PTPRU: variants seen among roughly 807,000 people sequenced by gnomAD.
The protein encoded by PTPRU is receptor-type tyrosine-protein phosphatase U.
In PTPRU, 69 loss-of-function variants were observed where a neutral mutation model predicts 166.3. The observed-to-expected ratio is 0.41, with a 90% CI of 0.34 to 0.51. The LOEUF is 0.51. Among genes scored for constraint, PTPRU ranks in the 20% least tolerant of loss-of-function variants. The pLI, the probability that PTPRU is intolerant of heterozygous loss-of-function variation, is 0.09. For synonymous variants in PTPRU, 793 were observed against 814.0 expected (o/e 0.97, Z 0.44); for missense variants, 1,657 against 2,013.7 (o/e 0.82, Z 3.39).
intron 15 of PTPRU, among the ~76,000 whole-genome samples, chr1:29,300,549 G>C (rs1465708341): frequency 1.3e-5 from 2 of 152,132 alleles, no homozygotes; most frequent in East Asian, 3.9e-4. Flanking sequence ...CACCAAATTA[G>C]GCCAGTCTTT....
Position 29,258,767 on chromosome 1 carries a change from T to G in PTPRU, c.468T>G (p.Asn156Lys). ...TGGCTGTCAGCACTTTCTGGCCCAA[T>G]GAATATCAGGTGGGCTGGGTTCAGT... ...AELAVSTFWP[N>K]EYQVLFEALI... Residue 156 changes from asparagine (N) to lysine (K), a missense_variant, in exon 3 of 30, where the codon AAT becomes AAG. Asn to Lys is a moderately conservative substitution (Grantham distance 94). Transcript: ENST00000373779. 1 of 1,576,984 alleles carries G rather than the reference T, an allele frequency of 6.3e-7. No homozygotes were observed. The highest frequency in any genetic ancestry group is 8.6e-7 in the Non-Finnish European group (1 of 1,160,492).
chr1:29,283,883 C>G, intron 12 of PTPRU, 57 bp from the exon 13 acceptor site: 1 of 1,606,736 alleles, frequency 6.2e-7, no homozygotes, highest in South Asian at 1.1e-5. Context: ...GGTTCCCACC[C>G]TGGGGAGGGA....
intron 14 of PTPRU, among the ~76,000 whole-genome samples, chr1:29,285,686 TA>T (rs908106313): frequency 6.6e-6 from 1 of 152,194 alleles, no homozygotes. Context: ...CAAATCTTTT[TA>T]AAGAAACAGA....
chr1:29,295,270 C>G (rs1188104109), intron 15 of PTPRU, among the ~76,000 whole-genome samples: 1 of 152,024 alleles, frequency 6.6e-6, no homozygotes, highest in East Asian at 1.9e-4. Flanking sequence ...GTCTCAAACT[C>G]CTGGGCTCCA....
rs137880682 is a variant in PTPRU at position 29,304,024 on chromosome 1, C to T, written c.2646C>T (p.Tyr882=). The change falls in exon 16 of 30, where the codon TAC becomes TAT. Residue 882 remains tyrosine (Y), a synonymous_variant. Coordinates refer to ENST00000373779, the MANE Select transcript of PTPRU (RefSeq NM_133178.4). ...HINQMKTAEG[Y]GFKQEYESFF... The stretch of plus-strand genomic sequence containing the variant: ...ACCAGATGAAGACGGCCGAGGGTTA[C>T]GGCTTCAAGCAGGAGTATGAGGTGC... 5.9e-5 allele frequency: 95 copies of T among 1,609,824 alleles called. 1 individual carries two copies. Among genetic ancestry groups the T allele is most frequent in the Admixed American group, 1.0e-4 (6 of 59,952 alleles).
chr1:29,304,874 G>T (rs377123541), intron 17 of PTPRU, 25 bp downstream of exon 17: 17 of 1,585,446 alleles, frequency 1.1e-5, no homozygotes, highest in Non-Finnish European at 1.3e-5. Context: ...AGGGCCTGGG[G>T]TCCAGGGCAG....
rs772574986 is a variant in PTPRU at position 29,305,423 on chromosome 1, A to G, written c.2815A>G (p.Ile939Val). 1.9e-6 allele frequency: 3 copies of G among 1,613,476 alleles called. No individual in the cohort carries two copies. Among genetic ancestry groups the G allele is most frequent in the African/African-American group, 2.7e-5 (2 of 74,914 alleles). ...PNADYINANYIDGYHRSNHFI... is the reference protein window; with the variant it reads ...PNADYINANYVDGYHRSNHFI... ...TGCCGACTACATTAATGCCAACTAC[A>G]TAGATGTGAGTGCCTTGCCCTGTCA... Residue 939 changes from isoleucine (I) to valine (V), a missense_variant, in exon 18 of 30, where the codon ATA (isoleucine) becomes GTA (valine). By Grantham distance (29) the Ile-to-Val change is conservative. Coordinates refer to ENST00000373779, the MANE Select transcript of PTPRU (RefSeq NM_133178.4).
chr1:29,304,157 T>C (rs965709218), intron 16 of PTPRU, 112 bp downstream of exon 16: 3 of 1,240,808 alleles, frequency 2.4e-6, no homozygotes, highest in Non-Finnish European at 3.3e-6. Flanking sequence ...GGACGCCTGC[T>C]CTGACAGTTT....
chr1:29,239,879 C>T (rs570800513), intron 1 of PTPRU, among the ~76,000 whole-genome samples: 9 of 152,162 alleles, frequency 5.9e-5, no homozygotes, highest in Non-Finnish European at 1.0e-4. Flanking sequence ...CATTTTAACT[C>T]AAAGGGTTTA....
rs752228030 is a variant in PTPRU at position 29,259,292 on chromosome 1, G to A, written c.509G>A (p.Arg170His). ...VLFEALISPD[R>H]RGYMGLDDIL... ...TTTGAGGCCCTCATCTCCCCAGACC[G>A]CAGGGGCTACATGGGCCTAGATGAC... Residue 170 changes from arginine (R) to histidine (H), a missense_variant, in exon 4 of 30, where the codon CGC becomes CAC. Physicochemically the swap from Arg to His is conservative, Grantham distance 29. Around this residue, in one of 3 missense-constraint regions of PTPRU, gnomAD observed 453 missense variants for 496.9 expected, o/e 0.91. Coordinates refer to ENST00000373779, the MANE Select transcript of PTPRU (RefSeq NM_133178.4). 4 of 1,614,040 alleles carry A rather than the reference G, an allele frequency of 2.5e-6. No individual in the cohort carries two copies. The highest frequency in any genetic ancestry group is 2.2e-5 in the East Asian group (1 of 44,866).
chr1:29,282,857 G>C lies in PTPRU; in HGVS notation c.2050G>C (p.Asp684His). 1 of 1,614,132 alleles carries C rather than the reference G, an allele frequency of 6.2e-7. No individual in the cohort carries two copies. The change falls in exon 12 of 30, where the codon GAC becomes CAC. Residue 684 changes from aspartate (D) to histidine (H), a missense_variant. Physicochemically the swap from Asp to His is moderately conservative, Grantham distance 81. This residue lies in a region of PTPRU where 1,190 missense variants were observed against 1,477.4 expected (regional missense o/e 0.81). Transcript: ENST00000373779. ...TGAGGCCATGCCCTTTACCGTGGGT[G>C]ACAACCAGACCTACCGAGGCTTCTG... ...LPEAMPFTVG[D>H]NQTYRGFWNP...
At chr1:29,244,364 T>C (rs1455741198) in intron 1 of PTPRU, among the ~76,000 whole-genome samples, 1 of 151,446 alleles carries the variant, frequency 6.6e-6, no homozygotes, top group Non-Finnish European at 1.5e-5. Context: ...ACAGGCGGTA[T>C]TGGGGGAACA....
intron 18 of PTPRU, among the ~76,000 whole-genome samples, chr1:29,307,859 C>T (rs998666289): frequency 2.8e-5 from 4 of 145,402 alleles, no homozygotes; most frequent in African/African-American, 1.0e-4. Flanking sequence ...CTCCTGGGTT[C>T]AAGTGATTCT....
At chr1:29,305,276 C>A in intron 17 of PTPRU, 76 bp from the exon 18 acceptor site, 2 of 1,433,600 alleles carry the variant, frequency 1.4e-6, no homozygotes, top group South Asian at 2.3e-5. Context: ...ATCCCCTAGC[C>A]TCCAGGAATC....
chr1:29,267,378 T>C (rs1685351125), intron 7 of PTPRU, among the ~76,000 whole-genome samples: 1 of 152,248 alleles, frequency 6.6e-6, no homozygotes, highest in African/African-American at 2.4e-5. Flanking sequence ...GAGGACTTTA[T>C]GGCCTGTCAG....
intron 14 of PTPRU, among the ~76,000 whole-genome samples, chr1:29,285,512 G>A (rs1365408434): frequency 1.3e-5 from 2 of 152,204 alleles, no homozygotes. Context: ...GCAGAGGGCA[G>A]CATATATCCC....
At chr1:29,321,570 C>T (rs1688162046) in intron 26 of PTPRU, among the ~76,000 whole-genome samples, 1 of 152,192 alleles carries the variant, frequency 6.6e-6, no homozygotes, top group Non-Finnish European at 1.5e-5. Flanking sequence ...CACTAAAGCG[C>T]CCATCATGGG....
In PTPRU at chr1:29,277,803, CTTTTTTTTTTTTTTTTTTT is replaced by C. The variant is rs71586898; in HGVS notation, c.1454-1194_1454-1176del. ...ACCATCTGGCTTCACAGTTGTCATT[CTTTTTTTTTTTTTTTTTTT>C]TTTTTTTTTTTTTTGAGATGGAGTC... On this transcript the variant is annotated intron_variant, in intron 8 of 29. Transcript: ENST00000373779. Among the ~76,000 whole-genome samples, 103 of 50,598 alleles carry C rather than the reference CTTTTTTTTTTTTTTTTTTT, an allele frequency of 2.0e-3. 1 individual carries two copies. The highest frequency in any genetic ancestry group is 0.019 in the Middle Eastern group (1 of 52). The allele number at this position is 50,598 out of a possible 152,430, so 33.2% of individuals were successfully genotyped here. A position where few individuals can be genotyped will look rare whatever the true frequency, so the allele number is the denominator to read the frequency against.
In PTPRU at chr1:29,260,098, C is replaced by CTG; in HGVS notation, c.850+54_850+55insTG. On this transcript the variant is annotated intron_variant, in intron 6 of 29. Coordinates refer to ENST00000373779, the MANE Select transcript of PTPRU (RefSeq NM_133178.4). The surrounding 1 kb of genome is among the most constrained non-coding windows in gnomAD (Gnocchi z 8.3). ...GGACCTCACCCTCGAGGGGCGGGGC[C>CTG]GGCGACGGGGGCGGGCTCTGCCCGG... 2 of 1,046,954 alleles carry CTG rather than the reference C, an allele frequency of 1.9e-6. No homozygotes were observed. Among genetic ancestry groups the CTG allele is most frequent in the East Asian group, 6.3e-5 (1 of 15,920 alleles). 64.9% of individuals were successfully genotyped at this position (1,046,954 alleles called of 1,614,324 possible). A position where few individuals can be genotyped will look rare whatever the true frequency, so the allele number is the denominator to read the frequency against.
Sources: allele counts gnomAD v4.1 joint callset (sites outside exome capture counted in the v4.1 genomes callset), GRCh38; gene constraint gnomAD v4.1.1; regional missense constraint gnomAD v4.1.1; non-coding constraint Gnocchi (gnomAD v3.1); transcripts MANE v1.5; gene names NCBI Gene and HGNC (gene_info 2026-07-23, HGNC 2026-07-21).